GABRG3: variants seen among roughly 807,000 people sequenced by gnomAD.
GABRG3 encodes gamma-aminobutyric acid receptor subunit gamma-3.
GABRG3 carries 25 observed loss-of-function variants against 48.8 expected under a neutral mutation model. That is an observed-to-expected ratio of 0.51 (90% confidence interval 0.37 to 0.72). The LOEUF is 0.72. Among genes scored for constraint, GABRG3 ranks in the 30% least tolerant of loss-of-function variants. The pLI is 0.00. For missense variants in GABRG3, 394 were observed against 577.9 expected, an observed-to-expected ratio of 0.68 and a Z score of 3.26; for synonymous variants, 227 against 217.6, an observed-to-expected ratio of 1.04 and a Z score of -0.38.
At chr15:27,273,852 G>C (rs1360692719) in intron 3 of GABRG3, among the ~76,000 whole-genome samples, 1 of 152,128 alleles carries the variant, frequency 6.6e-6, no homozygotes, top group Non-Finnish European at 1.5e-5. Context: ...CCCAAACTTA[G>C]CTTAAAACAA....
intron 3 of GABRG3, among the ~76,000 whole-genome samples, chr15:27,083,589 G>T (rs1364530031): frequency 6.6e-6 from 1 of 152,040 alleles, no homozygotes; most frequent in Non-Finnish European, 1.5e-5. Context: ...GCCTCCCAAA[G>T]TGCTGGGATT....
At chr15:27,344,713 C>CG (rs1894306612) in intron 5 of GABRG3, among the ~76,000 whole-genome samples, 1 of 1,412 alleles carries the variant, frequency 7.1e-4, no homozygotes, top group Admixed American at 0.016. Context: ...ATTGATAAAC[C>CG]ATTTTTTTAA....
At chr15:27,297,186 A>G (rs1892021363) in intron 3 of GABRG3, among the ~76,000 whole-genome samples, 1 of 152,246 alleles carries the variant, frequency 6.6e-6, no homozygotes, top group African/African-American at 2.4e-5. Flanking sequence ...ATTTTAAGCT[A>G]GATATAACAA....
At chr15:27,466,926 T>G (rs1889630434) in intron 5 of GABRG3, among the ~76,000 whole-genome samples, 1 of 152,208 alleles carries the variant, frequency 6.6e-6, no homozygotes, top group Non-Finnish European at 1.5e-5. Flanking sequence ...GGGATGTAGT[T>G]TTTATGTTTT....
chr15:27,087,883 A>G (rs542942832), intron 3 of GABRG3, among the ~76,000 whole-genome samples: 4 of 134,714 alleles, frequency 3.0e-5, no homozygotes, highest in African/African-American at 1.1e-4. Context: ...GTGGTGTGCT[A>G]TGGGGTGTGT....
chr15:27,518,340 GCCTGGGTGACAAGAGTGAAACT>G (rs1248589574), intron 6 of GABRG3, among the ~76,000 whole-genome samples: 1 of 150,106 alleles, frequency 6.7e-6, no homozygotes, highest in Non-Finnish European at 1.5e-5. Flanking sequence ...TTGCACTCTA[GCCTGGGTGACAAGAGTGAAACT>G]CTGTCTCAAA....
chr15:27,084,073 G>A (rs1433866541), intron 3 of GABRG3, among the ~76,000 whole-genome samples: 2 of 152,164 alleles, frequency 1.3e-5, no homozygotes, highest in African/African-American at 2.4e-5. Context: ...GAGAACCCTG[G>A]GTCCCAGTAG....
intron 5 of GABRG3, among the ~76,000 whole-genome samples, chr15:27,399,688 G>A (rs1034264219): frequency 3.9e-5 from 6 of 152,110 alleles, no homozygotes; most frequent in Admixed American, 6.6e-5. Context: ...AACTTAAACC[G>A]TCGTCTGTAC....
intron 6 of GABRG3, among the ~76,000 whole-genome samples, chr15:27,517,202 C>T (rs185444874): frequency 1.3e-5 from 2 of 151,952 alleles, no homozygotes; most frequent in Non-Finnish European, 2.9e-5. Flanking sequence ...CTGCCTCCTC[C>T]GTCATTGCCA....
chr15:27,355,663 T>G (rs1293773915), intron 5 of GABRG3, among the ~76,000 whole-genome samples: 2 of 152,230 alleles, frequency 1.3e-5, no homozygotes, highest in Non-Finnish European at 2.9e-5. Context: ...CACAAAAACT[T>G]GTACATGAAT....
intron 3 of GABRG3, among the ~76,000 whole-genome samples, chr15:27,092,785 A>G (rs926808040): frequency 6.6e-6 from 1 of 152,074 alleles, no homozygotes; most frequent in Non-Finnish European, 1.5e-5. Flanking sequence ...TTGTTTTACA[A>G]AATTAAGGAA....
chr15:27,292,479 T>C (rs538337108), intron 3 of GABRG3, among the ~76,000 whole-genome samples: 125 of 152,220 alleles, frequency 8.2e-4, no homozygotes, highest in Middle Eastern at 3.4e-3. Context: ...ATTCTGAATA[T>C]AGCAACTTGT....
intron 3 of GABRG3, among the ~76,000 whole-genome samples, chr15:27,199,784 A>T (rs1327718514): frequency 1.3e-5 from 2 of 152,094 alleles, no homozygotes; most frequent in Non-Finnish European, 2.9e-5. Flanking sequence ...CTAGTCTCAG[A>T]TATTTCTTTA....
At chr15:27,259,868 AAC>A (rs1890721397) in intron 3 of GABRG3, among the ~76,000 whole-genome samples, 1 of 152,190 alleles carries the variant, frequency 6.6e-6, no homozygotes, top group Non-Finnish European at 1.5e-5. Flanking sequence ...TGGCTAGAAA[AAC>A]AGAAATTTGT....
At chr15:27,083,791 T>C (rs1013082063) in intron 3 of GABRG3, among the ~76,000 whole-genome samples, 7 of 152,342 alleles carry the variant, frequency 4.6e-5, no homozygotes, top group African/African-American at 1.2e-4. Context: ...GTGTTCACCA[T>C]GTATGTGGGG....
chr15:27,073,743 A>T (rs1031130885), intron 3 of GABRG3, among the ~76,000 whole-genome samples: 5 of 152,252 alleles, frequency 3.3e-5, no homozygotes, highest in African/African-American at 1.2e-4. Flanking sequence ...AAGGGACAAG[A>T]GTCCAAGCTT....
At chr15:27,467,513 G>C (rs1027578655) in intron 5 of GABRG3, among the ~76,000 whole-genome samples, 60 of 152,350 alleles carry the variant, frequency 3.9e-4, no homozygotes, top group African/African-American at 1.3e-3. Context: ...CTTACAGCTT[G>C]TGAGTACAGG....
intron 3 of GABRG3, among the ~76,000 whole-genome samples, chr15:27,135,573 A>G (rs867991482): frequency 2.6e-5 from 4 of 152,156 alleles, no homozygotes; most frequent in South Asian, 2.1e-4. Context: ...AATAATGTCA[A>G]ATTTTTAGCA....
At chr15:27,263,551 A>C (rs1387648568) in intron 3 of GABRG3, among the ~76,000 whole-genome samples, 1 of 152,144 alleles carries the variant, frequency 6.6e-6, no homozygotes, top group African/African-American at 2.4e-5. Context: ...GGAACCCAAA[A>C]TATTTAAAAC....
Sources: allele counts gnomAD v4.1 joint callset (sites outside exome capture counted in the v4.1 genomes callset), GRCh38; gene constraint gnomAD v4.1.1; transcripts MANE v1.5; gene names NCBI Gene and HGNC (gene_info 2026-07-23, HGNC 2026-07-21).